The following GRM7 variants were observed in gnomAD, a reference collection of about 807,000 sequenced individuals.
The protein encoded by GRM7 is glutamate metabotropic receptor 7, also known as metabotropic glutamate receptor 7.
GRM7 carries 35 observed loss-of-function variants against 84.5 expected under a neutral mutation model. The ratio of observed to expected loss-of-function variants is 0.41; its 90% CI spans 0.32 to 0.55. GRM7 has a LOEUF of 0.55. GRM7 is among the 20% of genes least tolerant of loss of function. The probability of loss-of-function intolerance (pLI) is 0.19; values close to 1 mark genes in which losing one functional copy is unlikely to be tolerated. For synonymous variants in GRM7, 487 were observed against 455.1 expected (o/e 1.07, Z -0.89); for missense variants, 1,003 against 1,194.6 (o/e 0.84, Z 2.36).
chr3:7,209,607 A>T (rs1034767528), intron 2 of GRM7, among the ~76,000 whole-genome samples: 3 of 152,164 alleles, frequency 2.0e-5, no homozygotes, highest in Non-Finnish European at 2.9e-5. Flanking sequence ...AGGCATAGAG[A>T]ATGTGGAATG....
intron 1 of GRM7, among the ~76,000 whole-genome samples, chr3:6,984,869 G>A (rs1694348971): frequency 6.6e-6 from 1 of 152,136 alleles, no homozygotes; most frequent in East Asian, 1.9e-4. Flanking sequence ...GAGAGAGGAG[G>A]CTGCTGACTT....
chr3:7,194,588 C>T (rs568187735), intron 2 of GRM7, among the ~76,000 whole-genome samples: 2 of 152,224 alleles, frequency 1.3e-5, no homozygotes, highest in African/African-American at 2.4e-5. Context: ...GGACCCTTCA[C>T]GCCTTCCTCT....
intron 1 of GRM7, among the ~76,000 whole-genome samples, chr3:7,047,920 T>A (rs1303761663): frequency 6.6e-6 from 1 of 152,016 alleles, no homozygotes; most frequent in Non-Finnish European, 1.5e-5. Flanking sequence ...TGTCATTAGA[T>A]GCCTGGTGCT....
In GRM7 at chr3:7,084,344, G is replaced by C. The variant is rs758792726; in HGVS notation, c.520-62108G>C. Among the ~76,000 whole-genome samples the C allele has an allele frequency of 3.3e-5, 5 of 152,126 alleles. No individual in the cohort carries two copies. The South Asian group carries it at 1.0e-3, about 31-fold the overall frequency. On this transcript the variant is annotated intron_variant, in intron 1 of 9. Coordinates refer to ENST00000357716, the MANE Select transcript of GRM7 (RefSeq NM_000844.4). ...GAATCAGAGACTGTAGAGGTAGGTA[G>C]GGCCCAGGAATCTGTGTTGCAACAA...
intron 2 of GRM7, among the ~76,000 whole-genome samples, chr3:7,278,672 A>T (rs1482821562): frequency 1.3e-5 from 2 of 152,158 alleles, no homozygotes; most frequent in South Asian, 4.1e-4. Flanking sequence ...GATTCTTAGA[A>T]TCGGGTACTC....
intron 1 of GRM7, among the ~76,000 whole-genome samples, chr3:7,043,553 G>A (rs1416709240): frequency 6.6e-6 from 1 of 152,098 alleles, no homozygotes; most frequent in East Asian, 1.9e-4. Flanking sequence ...GCTTTTAATT[G>A]TTTCATTTGA....
chr3:7,263,458 G>C (rs1326912022), intron 2 of GRM7, among the ~76,000 whole-genome samples: 1 of 152,094 alleles, frequency 6.6e-6, no homozygotes, highest in Non-Finnish European at 1.5e-5. Context: ...CATTGGCTGT[G>C]ACAGGGTGCT....
chr3:7,271,115 G>C (rs917300092), intron 2 of GRM7, among the ~76,000 whole-genome samples: 4 of 152,110 alleles, frequency 2.6e-5, no homozygotes, highest in African/African-American at 9.7e-5. Context: ...AGAAAAGGAG[G>C]GACATGAAGT....
In GRM7 at chr3:7,359,478, G is replaced by A. The variant is rs1004387431; in HGVS notation, c.1033+52826G>A. Among the ~76,000 whole-genome samples the A allele has an allele frequency of 6.1e-5, 9 of 146,554 alleles. 1 individual carries two copies. The highest frequency in any genetic ancestry group is 8.9e-5 in the Non-Finnish European group (6 of 67,060). ...GTCTCCCGAGTATCTGGGATTACAG[G>A]AGTGTGCCAGAATGCCTGGGTAAAT... On this transcript the variant is annotated intron_variant, in intron 4 of 9. Coordinates refer to ENST00000357716, the MANE Select transcript of GRM7 (RefSeq NM_000844.4).
At chr3:7,635,386 G>A (rs1227218187) in intron 8 of GRM7, among the ~76,000 whole-genome samples, 1 of 152,192 alleles carries the variant, frequency 6.6e-6, no homozygotes, top group Non-Finnish European at 1.5e-5. Flanking sequence ...GTTCAACAAC[G>A]TGTCCATTTC....
intron 7 of GRM7, among the ~76,000 whole-genome samples, chr3:7,562,728 A>C (rs1694082973): frequency 6.6e-6 from 1 of 152,168 alleles, no homozygotes; most frequent in South Asian, 2.1e-4. Flanking sequence ...TTCTATACTC[A>C]AATGGATTAG....
At chr3:7,514,796 G>A (rs1471171993) in intron 7 of GRM7, among the ~76,000 whole-genome samples, 1 of 152,178 alleles carries the variant, frequency 6.6e-6, no homozygotes, top group Non-Finnish European at 1.5e-5. Flanking sequence ...GTGACGCACT[G>A]TGGAGCTCAG....
chr3:7,513,116 C>G (rs1700267770), intron 7 of GRM7, among the ~76,000 whole-genome samples: 1 of 152,090 alleles, frequency 6.6e-6, no homozygotes, highest in African/African-American at 2.4e-5. Flanking sequence ...GAGAATTCAG[C>G]CTAAGAAAGT....
intron 4 of GRM7, among the ~76,000 whole-genome samples, chr3:7,311,197 C>T (rs533696951): frequency 5.3e-5 from 8 of 152,094 alleles, no homozygotes; most frequent in South Asian, 2.1e-4. Flanking sequence ...ATGAACTATG[C>T]GGTCATTCTC....
chr3:7,377,646 T>C (rs149002397), intron 4 of GRM7, among the ~76,000 whole-genome samples: 2 of 152,332 alleles, frequency 1.3e-5, no homozygotes, highest in South Asian at 2.1e-4. Context: ...GATGTTGATA[T>C]CTTTGTGCTG....
rs1694297513 is a variant in GRM7 at position 7,151,854 on chromosome 3, TGATA to T, written c.736+5188_736+5191del. On this transcript the variant is annotated intron_variant, in intron 2 of 9. Coordinates refer to ENST00000357716, the MANE Select transcript of GRM7 (RefSeq NM_000844.4). The surrounding 1 kb of genome is among the most constrained non-coding windows in gnomAD (Gnocchi z 4.5). ...TCCTCTCACCATTCCTATATAAAAC[TGATA>T]GCAGTATGGTGCAACCAGGCTGTAA... Among the ~76,000 whole-genome samples the T allele has an allele frequency of 6.6e-6, 1 of 152,098 alleles. No individual in the cohort carries two copies. The highest frequency in any genetic ancestry group is 1.5e-5 in the Non-Finnish European group (1 of 68,024).
At chr3:7,232,661 T>G (rs950029012) in intron 2 of GRM7, among the ~76,000 whole-genome samples, 1 of 152,236 alleles carries the variant, frequency 6.6e-6, no homozygotes, top group African/African-American at 2.4e-5. Flanking sequence ...GACATTATCA[T>G]GTGTCAAGCA....
intron 1 of GRM7, among the ~76,000 whole-genome samples, chr3:7,029,269 A>G (rs1030652276): frequency 3.4e-5 from 5 of 147,280 alleles, no homozygotes; most frequent in Admixed American, 2.8e-4. Context: ...ACGCCATTGC[A>G]CTCTAGCCTG....
At chr3:7,244,173 A>C (rs1438007079) in intron 2 of GRM7, among the ~76,000 whole-genome samples, 1 of 152,112 alleles carries the variant, frequency 6.6e-6, no homozygotes, top group Non-Finnish European at 1.5e-5. Context: ...GCTTACAGTA[A>C]CTTTTTTATT....
Sources: gnomAD v4.1 joint callset for allele counts (sites outside exome capture counted in the v4.1 genomes callset) on GRCh38, gnomAD v4.1.1 for gene constraint, Gnocchi (gnomAD v3.1) non-coding constraint, MANE v1.5 for transcripts, NCBI Gene and HGNC (gene_info 2026-07-23, HGNC 2026-07-21) for gene names.